KCNF1: variants seen among roughly 807,000 people sequenced by gnomAD.
KCNF1 encodes voltage-gated potassium channel regulatory subunit KCNF1.
Under a neutral mutation model 28.6 loss-of-function variants are expected in KCNF1, and 9 were observed. The ratio of observed to expected loss-of-function variants is 0.31; its 90% confidence interval spans 0.19 to 0.55. KCNF1 has a LOEUF of 0.55. Ranked by LOEUF, KCNF1 falls within the 20% of genes least tolerant of loss-of-function variation. The probability of loss-of-function intolerance (pLI) is 0.93; values close to 1 mark genes in which losing one functional copy is unlikely to be tolerated. For missense variants in KCNF1, 461 were observed against 684.2 expected (o/e 0.67, Z 3.64); for synonymous variants, 328 against 299.6 (o/e 1.09, Z -0.98).
rs757151428 is a variant in KCNF1 at position 10,912,876 on chromosome 2, C to T, written c.450C>T (p.Asp150=). Reference sequence around the variant, plus strand: ...CGCGCCGCGTGCAGCTCATCCTGGACGACCTGGGCGTGGACGCAGCCGAGG... The same window carrying T: ...CGCGCCGCGTGCAGCTCATCCTGGATGACCTGGGCGTGGACGCAGCCGAGG... ...EIARRVQLIL[D]DLGVDAAEGR... Residue 150 remains aspartate (D), a synonymous_variant, in exon 1 of 1, where the codon GAC becomes GAT. Coordinates refer to ENST00000295082, the MANE Select transcript of KCNF1 (RefSeq NM_002236.5). The surrounding 1 kb of genome is among the most constrained non-coding windows in gnomAD (Gnocchi z 7.9). 3.7e-6 allele frequency: 6 copies of T among 1,613,114 alleles called. No homozygotes were observed. The highest frequency in any genetic ancestry group is 2.7e-5 in the African/African-American group (2 of 75,044).
Position 10,913,784 on chromosome 2 carries a change from C to A in KCNF1, c.1358C>A (p.Pro453His). Residue 453 changes from proline (P) to histidine (H), a missense_variant, in exon 1 of 1, where the codon CCT (proline) becomes CAT (histidine). By Grantham distance (77) the Pro-to-His change is moderately conservative. Around this residue, in one of 4 missense-constraint regions of KCNF1, gnomAD observed 101 missense variants for 102.2 expected, o/e 0.99. Coordinates refer to ENST00000295082, the MANE Select transcript of KCNF1 (RefSeq NM_002236.5). The surrounding 1 kb of genome is among the most constrained non-coding windows in gnomAD (Gnocchi z 5.5). ...GGSRSDLDNL[P>H]PEPAGKEAPS... The stretch of plus-strand genomic sequence containing the variant: ...TCCCGCAGTGACCTGGACAACCTCC[C>A]TCCAGAGCCTGCGGGGAAGGAGGCG... The A allele has an allele frequency of 6.3e-7, 1 of 1,596,804 alleles. No individual in the cohort carries two copies.
chr2:10,912,085 G>A lies in KCNF1; in HGVS notation c.-342G>A, dbSNP rs1218914636. Reference sequence around the variant, plus strand: ...GCGGAGGACGGTGCCAGCCGCCCACGAGGAGACCCCGCTCCCGCAGGAGGC... The same window carrying A: ...GCGGAGGACGGTGCCAGCCGCCCACAAGGAGACCCCGCTCCCGCAGGAGGC... On this transcript the variant is annotated 5_prime_UTR_variant, in exon 1 of 1. Coordinates refer to ENST00000295082, the MANE Select transcript of KCNF1 (RefSeq NM_002236.5). The surrounding 1 kb of genome is among the most constrained non-coding windows in gnomAD (Gnocchi z 7.9). The A allele has an allele frequency of 5.3e-5, 8 of 151,716 alleles. No homozygotes were observed. Among genetic ancestry groups the A allele is most frequent in the African/African-American group, 1.9e-4 (8 of 41,384 alleles). 9.4% of individuals were successfully genotyped at this position (151,716 alleles called of 1,614,324 possible).
Position 10,912,399 on chromosome 2 carries a change from G to T in KCNF1, c.-28G>T. The stretch of plus-strand genomic sequence containing the variant: ...GCGGCGGCTGCAGGGGGCGCGGGGC[G>T]GAGGCTGCGAGGGCGCGCGCGGGGA... On this transcript the variant is annotated 5_prime_UTR_variant, in exon 1 of 1. Transcript: ENST00000295082. The surrounding 1 kb of genome is among the most constrained non-coding windows in gnomAD (Gnocchi z 7.9). 1 of 1,243,284 alleles carries T rather than the reference G, an allele frequency of 8.0e-7. No homozygotes were observed. 77.0% of individuals were successfully genotyped at this position (1,243,284 alleles called of 1,614,324 possible). A position where few individuals can be genotyped will look rare whatever the true frequency, so the allele number is the denominator to read the frequency against.
In KCNF1 at chr2:10,913,095, G is replaced by T. The variant is rs1326849426; in HGVS notation, c.669G>T (p.Glu223Asp). 4.3e-6 allele frequency: 7 copies of T among 1,609,646 alleles called. No individual in the cohort carries two copies. Among genetic ancestry groups the T allele is most frequent in the Non-Finnish European group, 5.1e-6 (6 of 1,180,026 alleles). ...EGNRVEHPTLENVETACIGWF... is the reference protein window; with the variant it reads ...EGNRVEHPTLDNVETACIGWF... ...ACCGCGTGGAGCACCCGACGCTGGA[G>T]AACGTGGAGACGGCGTGCATTGGCT... Residue 223 changes from glutamate (E) to aspartate (D), a missense_variant, in exon 1 of 1, where the codon GAG (glutamate) becomes GAT (aspartate). Physicochemically the swap from Glu to Asp is conservative, Grantham distance 45. Around this residue, in one of 4 missense-constraint regions of KCNF1, gnomAD observed 193 missense variants for 280.6 expected, o/e 0.69. Transcript: ENST00000295082. The surrounding 1 kb of genome is among the most constrained non-coding windows in gnomAD (Gnocchi z 5.5).
Position 10,913,048 on chromosome 2 carries a change from C to A in KCNF1, c.622C>A (p.Gln208Lys). Residue 208 changes from glutamine (Q) to lysine (K), a missense_variant, in exon 1 of 1, where the codon CAG becomes AAG. Coordinates refer to ENST00000295082, the MANE Select transcript of KCNF1 (RefSeq NM_002236.5). This position sits in a 1 kb window ranked among gnomAD's most constrained non-coding sequence, Gnocchi z 5.5. The part of the protein sequence containing the change: ...VMCMGTIPEL[Q>K]VLDAEGNRVE... ...GTGCATGGGCACCATCCCCGAGCTG[C>A]AGGTGCTGGACGCCGAGGGCAACCG... is the stretch of plus-strand genomic sequence containing the variant. 6.2e-7 allele frequency: 1 copy of A among 1,604,502 alleles called. No homozygotes were observed. Among genetic ancestry groups the A allele is most frequent in the Non-Finnish European group, 8.5e-7 (1 of 1,179,960 alleles).
rs1661545677 is a variant in KCNF1 at position 10,912,180 on chromosome 2, A to G, written c.-247A>G. The stretch of plus-strand genomic sequence containing the variant: ...GCCCCGGGCGAGGCCGGCGGCCGCC[A>G]AAGCCCCCGCGGGCTCGCCCGGGCG... On this transcript the variant is annotated 5_prime_UTR_variant, in exon 1 of 1. Transcript: ENST00000295082. The surrounding 1 kb of genome is among the most constrained non-coding windows in gnomAD (Gnocchi z 7.9). The G allele has an allele frequency of 6.7e-6, 1 of 150,212 alleles. No individual in the cohort carries two copies. The highest frequency in any genetic ancestry group is 2.4e-5 in the African/African-American group (1 of 41,030). 9.3% of individuals were successfully genotyped at this position (150,212 alleles called of 1,614,324 possible).
At position 10,914,123 on chromosome 2, in the gene KCNF1, G is replaced by A. The variant is rs1661588854; in HGVS notation, c.*212G>A. 1 of 523,316 alleles carries A rather than the reference G, an allele frequency of 1.9e-6. No individual in the cohort carries two copies. The highest frequency in any genetic ancestry group is 1.9e-5 in the African/African-American group (1 of 51,456). The allele number at this position is 523,316 out of a possible 1,614,324, so 32.4% of individuals were successfully genotyped here. A position where few individuals can be genotyped will look rare whatever the true frequency, so the allele number is the denominator to read the frequency against. On this transcript the variant is annotated 3_prime_UTR_variant, in exon 1 of 1. Transcript: ENST00000295082. ...GAGCCCGGGAGGGAGGGGTGTGCAG[G>A]AGCCGCAGGGCCGTGTGGGACGAGT... is the stretch of plus-strand genomic sequence containing the variant.
rs1403750573 is a variant in KCNF1 at position 10,913,262 on chromosome 2, T to G, written c.836T>G (p.Met279Arg). Reference sequence around the variant, plus strand: ...ACGCTCACGCACCTGGGTGCCCGCATGATGGAGCTGACCAACGTGCAGCAG... The same window carrying G: ...ACGCTCACGCACCTGGGTGCCCGCAGGATGGAGCTGACCAACGTGCAGCAG... Reference protein sequence around the residue: ...SLTLTHLGARMMELTNVQQAV... With the variant: ...SLTLTHLGARRMELTNVQQAV... Residue 279 changes from methionine (M) to arginine (R), a missense_variant, in exon 1 of 1, where the codon ATG becomes AGG. Physicochemically the swap from Met to Arg is moderately conservative, Grantham distance 91. This residue lies in a region of KCNF1 where 115 missense variants were observed against 261.6 expected (regional missense o/e 0.44). Transcript: ENST00000295082. This position sits in a 1 kb window ranked among gnomAD's most constrained non-coding sequence, Gnocchi z 5.5. 1 of 1,613,540 alleles carries G rather than the reference T, an allele frequency of 6.2e-7. No individual in the cohort carries two copies. The highest frequency in any genetic ancestry group is 8.5e-7 in the Non-Finnish European group (1 of 1,180,022).
chr2:10,912,897 C>A lies in KCNF1; in HGVS notation c.471C>A (p.Ala157=). Residue 157 remains alanine (A), a synonymous_variant, in exon 1 of 1, where the codon GCC becomes GCA. Coordinates refer to ENST00000295082, the MANE Select transcript of KCNF1 (RefSeq NM_002236.5). This position sits in a 1 kb window ranked among gnomAD's most constrained non-coding sequence, Gnocchi z 7.9. ...TGGACGACCTGGGCGTGGACGCAGC[C>A]GAGGGCCGCTGGCGCCGCTGCCAGA... ...LILDDLGVDA[A]EGRWRRCQKC... The A allele has an allele frequency of 6.2e-7, 1 of 1,611,656 alleles. No homozygotes were observed. Among genetic ancestry groups the A allele is most frequent in the Non-Finnish European group, 8.5e-7 (1 of 1,179,672 alleles).
At position 10,913,675 on chromosome 2, in the gene KCNF1, C is replaced by T. The variant is rs755311321; in HGVS notation, c.1249C>T (p.Arg417Cys). 2 of 1,613,712 alleles carry T rather than the reference C, an allele frequency of 1.2e-6. No homozygotes were observed. Among genetic ancestry groups the T allele is most frequent in the Non-Finnish European group, 1.7e-6 (2 of 1,180,034 alleles). ...CTTTGTCAGGTACTACAACAAGCAG[C>T]GCGTCCTGGAGACCGCGGCCAAGCA... ...NNFVRYYNKQ[R>C]VLETAAKHEL... Residue 417 changes from arginine to cysteine, a missense_variant, in exon 1 of 1, where the codon CGC (arginine) becomes TGC (cysteine). Arg to Cys is a radical substitution (Grantham distance 180). Transcript: ENST00000295082. The surrounding 1 kb of genome is among the most constrained non-coding windows in gnomAD (Gnocchi z 5.5).
chr2:10,912,056 C>A lies in KCNF1; in HGVS notation c.-371C>A, dbSNP rs1338359159. On this transcript the variant is annotated 5_prime_UTR_variant, in exon 1 of 1. Transcript: ENST00000295082. This position sits in a 1 kb window ranked among gnomAD's most constrained non-coding sequence, Gnocchi z 7.9. ...ACCTGCCGCCGCTGCCTGCGCGCCC[C>A]GGGGCGGAGGACGGTGCCAGCCGCC... 1 of 151,984 alleles carries A rather than the reference C, an allele frequency of 6.6e-6. No individual in the cohort carries two copies. Among genetic ancestry groups the A allele is most frequent in the Admixed American group, 6.6e-5 (1 of 15,266 alleles). 9.4% of individuals were successfully genotyped at this position (151,984 alleles called of 1,614,324 possible). A position where few individuals can be genotyped will look rare whatever the true frequency, so the allele number is the denominator to read the frequency against.
chr2:10,913,034 C>T lies in KCNF1; in HGVS notation c.608C>T (p.Thr203Ile). The T allele has an allele frequency of 6.2e-7, 1 of 1,603,772 alleles. No homozygotes were observed. The stretch of plus-strand genomic sequence containing the variant: ...TCGTCCGTGGTCATGTGCATGGGCA[C>T]CATCCCCGAGCTGCAGGTGCTGGAC... ...LVSSVVMCMGTIPELQVLDAE... is the reference protein window; with the variant it reads ...LVSSVVMCMGIIPELQVLDAE... Residue 203 changes from threonine to isoleucine, a missense_variant, in exon 1 of 1, where the codon ACC (threonine) becomes ATC (isoleucine). Around this residue, in one of 4 missense-constraint regions of KCNF1, gnomAD observed 193 missense variants for 280.6 expected, o/e 0.69. Coordinates refer to ENST00000295082, the MANE Select transcript of KCNF1 (RefSeq NM_002236.5). The surrounding 1 kb of genome is among the most constrained non-coding windows in gnomAD (Gnocchi z 5.5).
chr2:10,913,657 A>G lies in KCNF1; in HGVS notation c.1231A>G (p.Arg411Gly). The change falls in exon 1 of 1, where the codon AGG (arginine) becomes GGG (glycine). Residue 411 changes from arginine (R) to glycine (G), a missense_variant. This residue lies in a region of KCNF1 where 115 missense variants were observed against 261.6 expected (regional missense o/e 0.44). Coordinates refer to ENST00000295082, the MANE Select transcript of KCNF1 (RefSeq NM_002236.5). The surrounding 1 kb of genome is among the most constrained non-coding windows in gnomAD (Gnocchi z 5.5). ...PIHPIINNFVRYYNKQRVLET... is the reference protein window; with the variant it reads ...PIHPIINNFVGYYNKQRVLET... ...CCACCCCATCATCAACAACTTTGTCAGGTACTACAACAAGCAGCGCGTCCT... is the reference window on the plus strand; with the variant it reads ...CCACCCCATCATCAACAACTTTGTCGGGTACTACAACAAGCAGCGCGTCCT... 6.2e-7 allele frequency: 1 copy of G among 1,613,508 alleles called. No homozygotes were observed. Among genetic ancestry groups the G allele is most frequent in the Non-Finnish European group, 8.5e-7 (1 of 1,180,022 alleles).
Position 10,912,603 on chromosome 2 carries a change from C to A in KCNF1, c.177C>A (p.Gly59=). 6.2e-7 allele frequency: 1 copy of A among 1,612,776 alleles called. No individual in the cohort carries two copies. The highest frequency in any genetic ancestry group is 8.5e-7 in the Non-Finnish European group (1 of 1,179,488). Residue 59 remains glycine (G), a synonymous_variant, in exon 1 of 1, where the codon GGC becomes GGA. Coordinates refer to ENST00000295082, the MANE Select transcript of KCNF1 (RefSeq NM_002236.5). The surrounding 1 kb of genome is among the most constrained non-coding windows in gnomAD (Gnocchi z 7.9). The part of the protein sequence containing the change: ...LAELINCLAG[G]YDTIFSLCDD... ...AGCTCATCAACTGCTTGGCTGGGGGCTACGACACCATCTTCTCCCTGTGCG... is the reference window on the plus strand; with the variant it reads ...AGCTCATCAACTGCTTGGCTGGGGGATACGACACCATCTTCTCCCTGTGCG...
chr2:10,913,320 G>C lies in KCNF1; in HGVS notation c.894G>C (p.Ala298=). ...AGGCGCTGCGGATCATGCGCATCGCGCGCATCTTCAAGCTGGCCCGCCACT... is the reference window on the plus strand; with the variant it reads ...AGGCGCTGCGGATCATGCGCATCGCCCGCATCTTCAAGCTGGCCCGCCACT... ...AVQALRIMRI[A]RIFKLARHSS... is the part of the protein sequence containing the mutation. The change falls in exon 1 of 1, where the codon GCG becomes GCC. Residue 298 remains alanine, a synonymous_variant. Coordinates refer to ENST00000295082, the MANE Select transcript of KCNF1 (RefSeq NM_002236.5). The surrounding 1 kb of genome is among the most constrained non-coding windows in gnomAD (Gnocchi z 5.5). The C allele has an allele frequency of 6.2e-7, 1 of 1,613,004 alleles. No individual in the cohort carries two copies. Among genetic ancestry groups the C allele is most frequent in the Non-Finnish European group, 8.5e-7 (1 of 1,179,790 alleles).
chr2:10,913,217 T>A lies in KCNF1; in HGVS notation c.791T>A (p.Leu264His). 1 of 1,613,420 alleles carries A rather than the reference T, an allele frequency of 6.2e-7. No individual in the cohort carries two copies. Among genetic ancestry groups the A allele is most frequent in the Non-Finnish European group, 8.5e-7 (1 of 1,180,010 alleles). The part of the protein sequence containing the change: ...FMNIVDVLAI[L>H]PFYVSLTLTH... ...AACATTGTGGACGTGCTGGCCATCC[T>A]CCCCTTCTACGTGAGCCTCACGCTC... Residue 264 changes from leucine to histidine, a missense_variant, in exon 1 of 1, where the codon CTC becomes CAC. Around this residue, in one of 4 missense-constraint regions of KCNF1, gnomAD observed 115 missense variants for 261.6 expected, o/e 0.44. Transcript: ENST00000295082. The surrounding 1 kb of genome is among the most constrained non-coding windows in gnomAD (Gnocchi z 5.5).
rs1661561759 is a variant in KCNF1 at position 10,912,947 on chromosome 2, A to T, written c.521A>T (p.Lys174Met). ...AAGTGCGTCTGGAAGTTCCTGGAGA[A>T]GCCCGAGTCGTCGTGCCCGGCGCGG... The part of the protein sequence containing the change: ...CQKCVWKFLE[K>M]PESSCPARVV... Residue 174 changes from lysine (K) to methionine (M), a missense_variant, in exon 1 of 1, where the codon AAG becomes ATG. Physicochemically the swap from Lys to Met is moderately conservative, Grantham distance 95. Coordinates refer to ENST00000295082, the MANE Select transcript of KCNF1 (RefSeq NM_002236.5). This position sits in a 1 kb window ranked among gnomAD's most constrained non-coding sequence, Gnocchi z 7.9. The T allele has an allele frequency of 6.2e-7, 1 of 1,606,090 alleles. No individual in the cohort carries two copies. Among genetic ancestry groups the T allele is most frequent in the Non-Finnish European group, 8.5e-7 (1 of 1,179,756 alleles).
rs199981711 is a variant in KCNF1, at chr2:10,913,766, G to A, written c.1340G>A (p.Ser447Asn). 6.2e-7 allele frequency: 1 copy of A among 1,610,630 alleles called. No individual in the cohort carries two copies. The highest frequency in any genetic ancestry group is 1.3e-5 in the African/African-American group (1 of 74,874). The part of the protein sequence containing the change: ...GGEGKTGGSR[S>N]DLDNLPPEPA... ...GAGGGCAAGACCGGGGGCTCCCGCA[G>A]TGACCTGGACAACCTCCCTCCAGAG... The change falls in exon 1 of 1, where the codon AGT becomes AAT. Residue 447 changes from serine (S) to asparagine (N), a missense_variant. Ser to Asn is a conservative substitution (Grantham distance 46, BLOSUM62 1). This residue lies in a region of KCNF1 where 101 missense variants were observed against 102.2 expected (regional missense o/e 0.99). Coordinates refer to ENST00000295082, the MANE Select transcript of KCNF1 (RefSeq NM_002236.5). This position sits in a 1 kb window ranked among gnomAD's most constrained non-coding sequence, Gnocchi z 5.5.
chr2:10,912,476 C>T lies in KCNF1; in HGVS notation c.50C>T (p.Ser17Phe), dbSNP rs1207467675. 6.6e-7 allele frequency: 1 copy of T among 1,511,566 alleles called. No homozygotes were observed. The highest frequency in any genetic ancestry group is 8.8e-7 in the Non-Finnish European group (1 of 1,131,068). The allele number at this position is 1,511,566 out of a possible 1,614,324, so 93.6% of individuals were successfully genotyped here. ...CTCCCGGAGCCGGGCAGCCAGAGCT[C>T]CGCTGCCAGCGACGACATAGAGATA... ...RSLPEPGSQS[S>F]AASDDIEIVV... The change falls in exon 1 of 1, where the codon TCC becomes TTC. Residue 17 changes from serine (S) to phenylalanine (F), a missense_variant. Physicochemically the swap from Ser to Phe is radical, Grantham distance 155. Transcript: ENST00000295082. The surrounding 1 kb of genome is among the most constrained non-coding windows in gnomAD (Gnocchi z 7.9).
Sources: gnomAD v4.1 joint callset for allele counts on GRCh38, gnomAD v4.1.1 for gene constraint, gnomAD v4.1.1 regional missense constraint, Gnocchi (gnomAD v3.1) non-coding constraint, MANE v1.5 for transcripts, NCBI Gene and HGNC (gene_info 2026-07-23, HGNC 2026-07-21) for gene names.